TET2: variants seen among roughly 807,000 people sequenced by gnomAD.
The protein encoded by TET2 is tet methylcytosine dioxygenase 2, also known as methylcytosine dioxygenase TET2.
TET2 carries 299 observed loss-of-function variants against 142.9 expected under a neutral mutation model. The observed-to-expected ratio is 2.09, with a 90% CI of 1.90 to 2.30. The LOEUF (loss-of-function observed/expected upper bound fraction) is 2.30, where lower values mean the gene tolerates loss of function less well. Among genes scored for constraint, TET2 ranks in the 30% most tolerant of loss-of-function variants. The pLI is 0.00. For missense variants in TET2, 2,418 were observed against 2,378.0 expected, an observed-to-expected ratio of 1.02 and a Z score of -0.35; for synonymous variants, 819 against 849.0, an observed-to-expected ratio of 0.96 and a Z score of 0.61.
chr4:105,162,339 G>T (rs1723897575), intron 1 of TET2, among the ~76,000 whole-genome samples: 1 of 152,188 alleles, frequency 6.6e-6, no homozygotes, highest in South Asian at 2.1e-4. Flanking sequence ...GGGAGAAAGA[G>T]TGGTGTCTAT....
At chr4:105,186,539 G>T (rs536970424) in intron 1 of TET2, among the ~76,000 whole-genome samples, 7 of 146,860 alleles carry the variant, frequency 4.8e-5, no homozygotes, top group African/African-American at 1.8e-4. Context: ...GCAGTGGTGC[G>T]ATCTCAGCTT....
chr4:105,272,312 G>A (rs1464092665), intron 9 of TET2, among the ~76,000 whole-genome samples: 1 of 152,160 alleles, frequency 6.6e-6, no homozygotes, highest in Non-Finnish European at 1.5e-5. Flanking sequence ...GGTCACCACA[G>A]CTAACTGTTC....
chr4:105,173,662 G>GACATGAGGAAAT lies in TET2; in HGVS notation c.-192-16687_-192-16686insTACATGAGGAAA, dbSNP rs528373579. 6.2e-4 allele frequency among the ~76,000 whole-genome samples: 94 copies of GACATGAGGAAAT among 152,246 alleles called. 1 individual carries two copies. In the South Asian group the frequency reaches 0.019, roughly 30 times the overall value. ...TTTGCTACAAGAATGCAAAGGTGAT[G>GACATGAGGAAAT]ACATGAGGAAAAAAGGGGTTTGCTG... On this transcript the variant is annotated intron_variant, in intron 1 of 10. Transcript: ENST00000380013.
chr4:105,158,482 C>CT (rs1030703625), intron 1 of TET2, among the ~76,000 whole-genome samples: 5 of 151,976 alleles, frequency 3.3e-5, no homozygotes, highest in African/African-American at 7.3e-5. Flanking sequence ...TAAAATGCTA[C>CT]TTTTTTTTCC....
intron 2 of TET2, among the ~76,000 whole-genome samples, chr4:105,213,701 T>TA (rs1040904679): frequency 6.6e-6 from 1 of 152,228 alleles, no homozygotes; most frequent in Non-Finnish European, 1.5e-5. Context: ...CCCACCTTCC[T>TA]ATGAGTCTCC....
At chr4:105,222,432 T>C (rs1303384134) in intron 2 of TET2, among the ~76,000 whole-genome samples, 1 of 152,236 alleles carries the variant, frequency 6.6e-6, no homozygotes, top group African/African-American at 2.4e-5. Flanking sequence ...TGATATCTCA[T>C]TGTGGTTTTG....
At chr4:105,160,028 G>A (rs1052907541) in intron 1 of TET2, among the ~76,000 whole-genome samples, 1 of 152,020 alleles carries the variant, frequency 6.6e-6, no homozygotes, top group East Asian at 1.9e-4. Context: ...CTTGATATTT[G>A]TATGCATCTT....
chr4:105,173,426 G>A (rs1178644283), intron 1 of TET2, among the ~76,000 whole-genome samples: 1 of 151,634 alleles, frequency 6.6e-6, no homozygotes, highest in Non-Finnish European at 1.5e-5. Flanking sequence ...CCAGCTACTT[G>A]GGAGGCTGAG....
At chr4:105,261,090 A>G (rs1730400388) in intron 7 of TET2, among the ~76,000 whole-genome samples, 1 of 151,962 alleles carries the variant, frequency 6.6e-6, no homozygotes, top group Non-Finnish European at 1.5e-5. Flanking sequence ...TTAGAGAAAT[A>G]TCAATCTGAA....
chr4:105,181,613 A>T (rs554239953), intron 1 of TET2, among the ~76,000 whole-genome samples: 1 of 152,342 alleles, frequency 6.6e-6, no homozygotes, highest in South Asian at 2.1e-4. Context: ...ACAATCTCCT[A>T]CATCTGTAAC....
intron 8 of TET2, among the ~76,000 whole-genome samples, chr4:105,262,915 C>T (rs1001298775): frequency 2.0e-5 from 3 of 151,406 alleles, no homozygotes; most frequent in Non-Finnish European, 2.9e-5. Context: ...TAACTGGGTG[C>T]GGTAGTTTAT....
Position 105,259,644 on chromosome 4 carries a change from G to C in TET2, c.3829G>C (p.Asp1277His). Reference sequence around the variant, plus strand: ...GAGAACTTGCGCCTGTCAGGGGCTGGATCCAGAAACCTGTGGTGCCTCCTT... The same window carrying C: ...GAGAACTTGCGCCTGTCAGGGGCTGCATCCAGAAACCTGTGGTGCCTCCTT... ...EERTCACQGL[D>H]PETCGASFSF... Residue 1277 changes from aspartate (D) to histidine (H), a missense_variant, in exon 7 of 11, where the codon GAT becomes CAT. Asp to His is a moderately conservative substitution (Grantham distance 81). Transcript: ENST00000380013. 6.4e-7 allele frequency: 1 copy of C among 1,551,060 alleles called. No homozygotes were observed. The highest frequency in any genetic ancestry group is 8.7e-7 in the Non-Finnish European group (1 of 1,146,488).
intron 8 of TET2, among the ~76,000 whole-genome samples, chr4:105,263,247 G>A (rs998245036): frequency 6.6e-6 from 1 of 152,168 alleles, no homozygotes; most frequent in Non-Finnish European, 1.5e-5. Context: ...TAACCATTGG[G>A]CTGTTTCAAG....
intron 2 of TET2, among the ~76,000 whole-genome samples, chr4:105,196,697 A>C (rs1482732972): frequency 6.6e-6 from 1 of 152,156 alleles, no homozygotes; most frequent in Non-Finnish European, 1.5e-5. Flanking sequence ...GGGAAGCTTC[A>C]TATTTGTTGT....
intron 8 of TET2, among the ~76,000 whole-genome samples, chr4:105,269,251 C>T (rs1730831783): frequency 6.6e-6 from 1 of 152,072 alleles, no homozygotes. Flanking sequence ...ATATGAAATT[C>T]TAGAAAATGA....
At chr4:105,269,791 T>C (rs748968705) in intron 9 of TET2, 44 bp downstream of exon 9, 34 of 1,543,446 alleles carry the variant, frequency 2.2e-5, no homozygotes, top group Non-Finnish European at 2.7e-5. Flanking sequence ...GAGTCTGTTC[T>C]CACACTGCTA....
At chr4:105,157,290 C>CA (rs1277010146) in intron 1 of TET2, among the ~76,000 whole-genome samples, 2 of 152,046 alleles carry the variant, frequency 1.3e-5, no homozygotes, top group African/African-American at 4.8e-5. Context: ...AAAAAAATCT[C>CA]ACAACTAAAG....
chr4:105,260,447 A>G (rs1374537081), intron 7 of TET2, among the ~76,000 whole-genome samples: 2 of 151,858 alleles, frequency 1.3e-5, no homozygotes, highest in Non-Finnish European at 2.9e-5. Flanking sequence ...TACCCCCAAT[A>G]AACCCATCCT....
rs1289865259 is a variant in TET2 at position 105,278,778 on chromosome 4, T to C, written c.*2259T>C. 1 of 232,718 alleles carries C rather than the reference T, an allele frequency of 4.3e-6. No individual in the cohort carries two copies. The highest frequency in any genetic ancestry group is 8.5e-6 in the Non-Finnish European group (1 of 117,882). 14.4% of individuals were successfully genotyped at this position (232,718 alleles called of 1,614,324 possible). On this transcript the variant is annotated 3_prime_UTR_variant, in exon 11 of 11. Transcript: ENST00000380013. Reference sequence around the variant, plus strand: ...TGCACTGAGTTGATAAAGGGAAAAATTGTAAGGCAGGAGTTTGGCAAGTGG... The same window carrying C: ...TGCACTGAGTTGATAAAGGGAAAAACTGTAAGGCAGGAGTTTGGCAAGTGG...
Sources: gnomAD v4.1 joint callset for allele counts (sites outside exome capture counted in the v4.1 genomes callset) on GRCh38, gnomAD v4.1.1 for gene constraint, MANE v1.5 for transcripts, NCBI Gene and HGNC (gene_info 2026-07-23, HGNC 2026-07-21) for gene names.